Variants in YAF2 observed in about 807,000 individuals in gnomAD.
YAF2 encodes YY1 associated factor 2, also known as YY1-associated factor 2.
A neutral mutation model predicts 20.1 loss-of-function variants in YAF2; 7 were observed. The observed-to-expected ratio is 0.35, with a 90% CI of 0.20 to 0.65. The LOEUF is 0.65. Among genes scored for constraint, YAF2 ranks in the 30% least tolerant of loss-of-function variants. The pLI is 0.69. For missense variants in YAF2, 151 were observed against 219.2 expected, an observed-to-expected ratio of 0.69 and a Z score of 1.96; for synonymous variants, 74 against 76.0, an observed-to-expected ratio of 0.97 and a Z score of 0.14.
chr12:42,231,436 A>G (rs573601856), intron 2 of YAF2: 1 of 152,324 alleles, frequency 6.6e-6, no homozygotes, highest in East Asian at 1.9e-4. Flanking sequence ...TATACAGTTG[A>G]AAAGAGGTAA....
intron 2 of YAF2, among the ~76,000 whole-genome samples, chr12:42,176,134 TACTC>T (rs1044609578): frequency 5.3e-5 from 8 of 151,558 alleles, no homozygotes; most frequent in African/African-American, 1.9e-4. Flanking sequence ...TTATCCCACT[TACTC>T]AGGAGGCTGA....
intron 2 of YAF2, among the ~76,000 whole-genome samples, chr12:42,183,818 C>G (rs1021363002): frequency 1.6e-4 from 25 of 152,230 alleles, no homozygotes; most frequent in African/African-American, 5.8e-4. Flanking sequence ...AAGATGCCAT[C>G]TAGGACTTTC....
chr12:42,201,447 G>A (rs913783379), intron 2 of YAF2, among the ~76,000 whole-genome samples: 1 of 152,072 alleles, frequency 6.6e-6, no homozygotes. Flanking sequence ...TATATCCATT[G>A]TTCATTTTAT....
intron 2 of YAF2, among the ~76,000 whole-genome samples, chr12:42,197,465 A>G (rs894294375): frequency 6.6e-6 from 1 of 152,254 alleles, no homozygotes; most frequent in African/African-American, 2.4e-5. Context: ...ATATCCTGCC[A>G]CTGCTAATTC....
rs576915640 is a variant in YAF2 at position 42,199,933 on chromosome 12, T to C, written c.152+37666A>G. ...AGGTTATACAGTGTTCTCAGTCAAA[T>C]TACCTTAGTGCCTGACAACCAATGG... On this transcript the variant is annotated intron_variant, in intron 2 of 3. Transcript: ENST00000534854. 3.3e-5 allele frequency among the ~76,000 whole-genome samples: 5 copies of C among 152,346 alleles called. No homozygotes were observed. The South Asian group carries it at 6.2e-4, about 19-fold the overall frequency.
At chr12:42,170,074 G>A (rs767685319) in intron 2 of YAF2, among the ~76,000 whole-genome samples, 2 of 151,594 alleles carry the variant, frequency 1.3e-5, no homozygotes, top group South Asian at 2.1e-4. Flanking sequence ...GTCTCACAAC[G>A]TGGCCCAGGC....
At position 42,237,616 on chromosome 12, in the gene YAF2, C is replaced by CCGCACAT. The variant is rs1389863461; in HGVS notation, c.128_134dup (p.Lys46CysfsTer38). The CCGCACAT allele has an allele frequency of 6.5e-7, 1 of 1,544,052 alleles. No individual in the cohort carries two copies. The highest frequency in any genetic ancestry group is 8.7e-7 in the Non-Finnish European group (1 of 1,145,232). On this transcript the variant is annotated frameshift_variant, in exon 2 of 4. Transcript: ENST00000534854. LOFTEE classifies it high-confidence loss of function. ...GGACTCACCGGGTGGAGGTGCCCTT[C>CCGCACAT]CGCACATCGCACATCATGCACTTGA... is the stretch of plus-strand genomic sequence containing the variant.
In YAF2 at chr12:42,198,387, C is replaced by T. The variant is rs146541434; in HGVS notation, c.153-36622G>A. ...CACTTTGAGCTCAGGAGTTTGAGAC[C>T]AGCCTGAGCAACATGGTGAAACTCT... On this transcript the variant is annotated intron_variant, in intron 2 of 3. Transcript: ENST00000534854. Among the ~76,000 whole-genome samples the T allele has an allele frequency of 1.4e-3, 219 of 152,232 alleles. 4 individuals are homozygous for T. Among genetic ancestry groups the T allele is most frequent in the African/African-American group, 4.8e-3 (201 of 41,540 alleles).
chr12:42,179,730 G>C (rs902584813), intron 2 of YAF2, among the ~76,000 whole-genome samples: 6 of 138,914 alleles, frequency 4.3e-5, no homozygotes, highest in African/African-American at 1.6e-4. Flanking sequence ...GCTGCAGTGA[G>C]CCATGACTGC....
At chr12:42,207,760 G>A (rs1210421442) in intron 2 of YAF2, among the ~76,000 whole-genome samples, 13 of 149,356 alleles carry the variant, frequency 8.7e-5, no homozygotes, top group Non-Finnish European at 1.8e-4. Context: ...GCGTCGTGGC[G>A]GGCGCCTGTA....
chr12:42,190,953 T>A (rs1251517695), intron 2 of YAF2, among the ~76,000 whole-genome samples: 1 of 152,072 alleles, frequency 6.6e-6, no homozygotes, highest in African/African-American at 2.4e-5. Context: ...TACTTAACAA[T>A]GTTTAAAAAT....
At chr12:42,218,954 A>G (rs925802518) in intron 2 of YAF2, among the ~76,000 whole-genome samples, 7 of 152,090 alleles carry the variant, frequency 4.6e-5, no homozygotes, top group African/African-American at 1.7e-4. Flanking sequence ...ACCCTACAAA[A>G]CTCACTAATA....
intron 2 of YAF2, chr12:42,199,274 T>C: frequency 8.7e-7 from 1 of 1,144,130 alleles, no homozygotes; most frequent in Non-Finnish European, 1.2e-6. Flanking sequence ...AAACACTATG[T>C]ACACATGGAA....
At chr12:42,227,078 G>GCAGCCGCCGCCCGACCA (rs1565655620) in intron 2 of YAF2, among the ~76,000 whole-genome samples, 1 of 144,258 alleles carries the variant, frequency 6.9e-6, no homozygotes, top group African/African-American at 2.6e-5. Context: ...CCGCCCGACC[G>GCAGCCGCCGCCCGACCA]CCGGGAGGAT....
chr12:42,230,063 C>A (rs995757184), intron 2 of YAF2, among the ~76,000 whole-genome samples: 2 of 152,060 alleles, frequency 1.3e-5, no homozygotes, highest in East Asian at 1.9e-4. Flanking sequence ...TGGAGACCAT[C>A]CTGGCCAACA....
In YAF2 at chr12:42,160,505, T is replaced by C; in HGVS notation, c.*84A>G. The C allele has an allele frequency of 1.0e-6, 1 of 994,246 alleles. No homozygotes were observed. Among genetic ancestry groups the C allele is most frequent in the Non-Finnish European group, 1.5e-6 (1 of 653,798 alleles). The allele number at this position is 994,246 out of a possible 1,614,324, so 61.6% of individuals were successfully genotyped here. ...TATGGATTGTGCATGAATGTATCTG[T>C]CATGAAAATGTGGTACCTCTTGGCA... On this transcript the variant is annotated 3_prime_UTR_variant, in exon 4 of 4. Transcript: ENST00000534854.
intron 2 of YAF2, among the ~76,000 whole-genome samples, chr12:42,173,291 GCAGCAGAC>G (rs961869003): frequency 3.9e-5 from 6 of 152,302 alleles, no homozygotes; most frequent in African/African-American, 1.2e-4. Context: ...AAACACTTCT[GCAGCAGAC>G]CAGAACACAA....
At position 42,160,470 on chromosome 12, in the gene YAF2, A is replaced by C; in HGVS notation, c.*119T>G. ...TTCTAACAAATTTCTATTTTATGTA[A>C]AACTCAAATTATGGATTGTGCATGA... On this transcript the variant is annotated 3_prime_UTR_variant, in exon 4 of 4. Transcript: ENST00000534854. The C allele has an allele frequency of 1.3e-6, 1 of 776,880 alleles. No homozygotes were observed. Among genetic ancestry groups the C allele is most frequent in the Non-Finnish European group, 2.1e-6 (1 of 484,168 alleles). 48.1% of individuals were successfully genotyped at this position (776,880 alleles called of 1,614,324 possible).
chr12:42,237,927 G>A (rs2068233821), intron 1 of YAF2: 2 of 441,512 alleles, frequency 4.5e-6, no homozygotes, highest in Non-Finnish European at 6.2e-6. Context: ...AGTCGCCGCC[G>A]CCACAGCCGC....
Sources: allele counts gnomAD v4.1 joint callset (sites outside exome capture counted in the v4.1 genomes callset), GRCh38; gene constraint gnomAD v4.1.1; transcripts MANE v1.5; gene names NCBI Gene and HGNC (gene_info 2026-07-23, HGNC 2026-07-21).